PDE8B: variants seen among roughly 807,000 people sequenced by gnomAD.
The protein encoded by PDE8B is high affinity cAMP-specific and IBMX-insensitive 3',5'-cyclic phosphodiesterase 8B.
In PDE8B, 26 loss-of-function variants were observed where a neutral mutation model predicts 101.3. The observed-to-expected ratio is 0.26, with a 90% CI of 0.19 to 0.36. The LOEUF is 0.36. Ranked by LOEUF, PDE8B falls within the 10% of genes least tolerant of loss-of-function variation. PDE8B has a pLI of 1.00. For synonymous variants in PDE8B, 424 were observed against 429.3 expected (o/e 0.99, Z 0.15); for missense variants, 810 against 1,163.1 (o/e 0.70, Z 4.42).
the PDE8B span, among the ~76,000 whole-genome samples, chr5:77,116,224 A>ATATATATATATATATTTTTTTTTT: frequency 1.7e-5 from 1 of 59,608 alleles, no homozygotes; most frequent in African/African-American, 7.2e-5. Context: ...ATATATATAT[A>ATATATATATATATATTTTTTTTTT]TTTTTTTTTT....
intron 10 of PDE8B, among the ~76,000 whole-genome samples, chr5:77,383,391 G>T (rs867583014): frequency 2.0e-5 from 3 of 152,158 alleles, no homozygotes; most frequent in Non-Finnish European, 4.4e-5. Flanking sequence ...TAGGTTGCCT[G>T]TTCACTCTGA....
intron 1 of PDE8B, among the ~76,000 whole-genome samples, chr5:77,216,997 T>G (rs931079253): frequency 1.3e-5 from 2 of 152,248 alleles, no homozygotes; most frequent in Non-Finnish European, 2.9e-5. Context: ...GTTTGATGAT[T>G]GTCTAAAATA....
chr5:77,213,776 T>C (rs1332942403), intron 1 of PDE8B, among the ~76,000 whole-genome samples: 1 of 152,078 alleles, frequency 6.6e-6, no homozygotes, highest in Admixed American at 6.5e-5. Context: ...TGGCCTCTGG[T>C]ATTCCCCAGA....
chr5:77,357,129 G>A (rs746804000), intron 10 of PDE8B, among the ~76,000 whole-genome samples: 2 of 152,170 alleles, frequency 1.3e-5, no homozygotes, highest in Non-Finnish European at 2.9e-5. Context: ...CAGAAAGTTA[G>A]GTCTCACTTT....
intron 1 of PDE8B, among the ~76,000 whole-genome samples, chr5:77,235,526 G>A (rs1157184095): frequency 6.6e-6 from 1 of 152,170 alleles, no homozygotes; most frequent in Non-Finnish European, 1.5e-5. Context: ...TATACAACAA[G>A]TAAATGTTGA....
At chr5:77,268,734 A>G (rs1391377888) in intron 1 of PDE8B, among the ~76,000 whole-genome samples, 1 of 151,762 alleles carries the variant, frequency 6.6e-6, no homozygotes, top group Non-Finnish European at 1.5e-5. Flanking sequence ...TATGTACTTC[A>G]GTAGTATTCC....
rs1443662666 is a variant in PDE8B, at chr5:77,426,811, G to A, written c.*257G>A. 2.3e-6 allele frequency: 1 copy of A among 429,034 alleles called. No individual in the cohort carries two copies. The highest frequency in any genetic ancestry group is 4.3e-6 in the Non-Finnish European group (1 of 230,054). The allele number at this position is 429,034 out of a possible 1,614,324, so 26.6% of individuals were successfully genotyped here. On this transcript the variant is annotated 3_prime_UTR_variant, in exon 22 of 22. Transcript: ENST00000264917. ...AACTCCTTTGCTCTGCTGTCATCCTGTGTACCCTTGTCAATCCATGGAGCT... is the reference window on the plus strand; with the variant it reads ...AACTCCTTTGCTCTGCTGTCATCCTATGTACCCTTGTCAATCCATGGAGCT...
chr5:77,240,483 G>A (rs1755551874), intron 1 of PDE8B, among the ~76,000 whole-genome samples: 1 of 152,160 alleles, frequency 6.6e-6, no homozygotes, highest in African/African-American at 2.4e-5. Flanking sequence ...TTAAAACTCC[G>A]AGGTCACAGG....
chr5:77,091,099 A>C, the PDE8B span, among the ~76,000 whole-genome samples: 1 of 152,174 alleles, frequency 6.6e-6, no homozygotes, highest in Non-Finnish European at 1.5e-5. Flanking sequence ...CTTTTTGATA[A>C]TAGTCATCCT....
chr5:77,407,659 A>G (rs1158163138), intron 13 of PDE8B, among the ~76,000 whole-genome samples: 1 of 152,238 alleles, frequency 6.6e-6, no homozygotes, highest in African/African-American at 2.4e-5. Context: ...TGTGAGAGAA[A>G]ATTAGAGTAG....
chr5:77,269,826 T>G (rs1762438215), intron 1 of PDE8B, among the ~76,000 whole-genome samples: 2 of 152,212 alleles, frequency 1.3e-5, no homozygotes, highest in African/African-American at 4.8e-5. Context: ...GTTCCATTGC[T>G]CTATGTGTCC....
the PDE8B span, chr5:77,113,492 A>C: frequency 6.6e-6 from 1 of 152,228 alleles, no homozygotes; most frequent in Non-Finnish European, 1.5e-5. Context: ...TCCCTTCCTT[A>C]CACTGTATAC....
intron 1 of PDE8B, among the ~76,000 whole-genome samples, chr5:77,258,966 C>G (rs1328912588): frequency 6.6e-6 from 1 of 151,650 alleles, no homozygotes; most frequent in East Asian, 1.9e-4. Flanking sequence ...AACTCTCTCT[C>G]TTTAGGTACT....
In PDE8B at chr5:77,318,359, T is replaced by G. The variant is rs61003492; in HGVS notation, c.399+6306T>G. 2.5e-3 allele frequency among the ~76,000 whole-genome samples: 376 copies of G among 152,306 alleles called. 1 individual carries two copies. Among genetic ancestry groups the G allele is most frequent in the African/African-American group, 8.6e-3 (357 of 41,558 alleles). ...AGAACCATAGAGTTGTTAAGAATTT[T>G]CATCTAATATTATAGGTAAAAATAT... On this transcript the variant is annotated intron_variant, in intron 2 of 21. Transcript: ENST00000264917.
chr5:77,362,900 T>C (rs1036636036), intron 10 of PDE8B, among the ~76,000 whole-genome samples: 1 of 152,108 alleles, frequency 6.6e-6, no homozygotes, highest in Non-Finnish European at 1.5e-5. Context: ...CTCCCCGCTG[T>C]GGAGTGGATT....
At chr5:77,100,991 A>G in the PDE8B span, among the ~76,000 whole-genome samples, 1 of 130,994 alleles carries the variant, frequency 7.6e-6, no homozygotes, top group African/African-American at 3.0e-5. Context: ...TTTTTTTGAG[A>G]TAAGGTCTCA....
intron 1 of PDE8B, among the ~76,000 whole-genome samples, chr5:77,257,679 T>C (rs1400746126): frequency 1.1e-4 from 17 of 152,186 alleles, no homozygotes; most frequent in Non-Finnish European, 1.5e-5. Context: ...AATTTAATTT[T>C]AAGTTCTGGG....
At chr5:77,150,765 A>G in the PDE8B span, among the ~76,000 whole-genome samples, 1 of 152,316 alleles carries the variant, frequency 6.6e-6, no homozygotes, top group South Asian at 2.1e-4. Flanking sequence ...GCTACTATGA[A>G]GTGTATTTAT....
intron 10 of PDE8B, among the ~76,000 whole-genome samples, chr5:77,386,090 A>C (rs1788547312): frequency 1.3e-5 from 2 of 152,128 alleles, no homozygotes; most frequent in Admixed American, 6.5e-5. Flanking sequence ...CCTGGCCTTG[A>C]GTGAGTTTCT....
Sources: allele counts gnomAD v4.1 joint callset (sites outside exome capture counted in the v4.1 genomes callset), GRCh38; gene constraint gnomAD v4.1.1; transcripts MANE v1.5; gene names NCBI Gene and HGNC (gene_info 2026-07-23, HGNC 2026-07-21).